The following JAKMIP2 variants were observed in gnomAD, a reference collection of about 807,000 sequenced individuals.
JAKMIP2 encodes the protein janus kinase and microtubule-interacting protein 2.
In JAKMIP2, 25 loss-of-function variants were observed where a neutral mutation model predicts 115.0. That is an observed-to-expected ratio of 0.22 (90% confidence interval 0.16 to 0.30). The LOEUF is 0.30. Among genes scored for constraint, JAKMIP2 ranks in the 10% least tolerant of loss-of-function variants. The pLI is 1.00. For missense variants in JAKMIP2, 642 were observed against 957.6 expected (o/e 0.67, Z 4.35); for synonymous variants, 334 against 343.6 (o/e 0.97, Z 0.31).
At chr5:147,637,970 T>A (rs1046691778) in intron 10 of JAKMIP2, among the ~76,000 whole-genome samples, 3 of 152,204 alleles carry the variant, frequency 2.0e-5, no homozygotes, top group Non-Finnish European at 4.4e-5. Context: ...AAAACAGCGA[T>A]GAAAGATATC....
At chr5:147,618,523 G>C (rs1191233488) in intron 18 of JAKMIP2, among the ~76,000 whole-genome samples, 1 of 152,094 alleles carries the variant, frequency 6.6e-6, no homozygotes, top group African/African-American at 2.4e-5. Flanking sequence ...GATCATCTGA[G>C]GTCAGGAGTT....
At chr5:147,739,950 A>G (rs1485892204) in intron 1 of JAKMIP2, among the ~76,000 whole-genome samples, 1 of 152,178 alleles carries the variant, frequency 6.6e-6, no homozygotes, top group African/African-American at 2.4e-5. Context: ...TGCACATTTT[A>G]AAGACAGCAA....
intron 1 of JAKMIP2, among the ~76,000 whole-genome samples, chr5:147,750,429 A>T (rs1754505921): frequency 6.6e-6 from 1 of 152,100 alleles, no homozygotes; most frequent in Non-Finnish European, 1.5e-5. Flanking sequence ...ATACTCACTT[A>T]TTTAGAGACT....
chr5:147,641,879 CTTTGTTT>C, intron 7 of JAKMIP2, 115 bp from the exon 8 acceptor site: 1 of 843,302 alleles, frequency 1.2e-6, no homozygotes. Context: ...TAGAATAAGA[CTTTGTTT>C]TTTAAATTTT....
At chr5:147,667,481 T>C (rs1204081235) in intron 2 of JAKMIP2, among the ~76,000 whole-genome samples, 1 of 152,184 alleles carries the variant, frequency 6.6e-6, no homozygotes, top group African/African-American at 2.4e-5. Flanking sequence ...GATTAAAAAT[T>C]GGACAGCTCA....
At position 147,605,175 on chromosome 5, in the gene JAKMIP2, A is replaced by G. The variant is rs1212468551; in HGVS notation, c.2413-3364T>C. On this transcript the variant is annotated intron_variant, in intron 20 of 21. Coordinates refer to ENST00000616793, the MANE Select transcript of JAKMIP2 (RefSeq NM_001270941.2). ...CAAACTCATCGTTTTTTATGGTTGC[A>G]TAGTATTCCATGGTGTATATGTGCC... 2.0e-5 allele frequency among the ~76,000 whole-genome samples: 3 copies of G among 148,884 alleles called. No homozygotes were observed. In the East Asian group the frequency reaches 5.9e-4, roughly 29 times the overall value.
chr5:147,712,408 T>C (rs943646411), intron 1 of JAKMIP2, among the ~76,000 whole-genome samples: 3 of 152,218 alleles, frequency 2.0e-5, no homozygotes, highest in Non-Finnish European at 4.4e-5. Flanking sequence ...TTAAAATCCA[T>C]TGTTTTATAA....
intron 1 of JAKMIP2, among the ~76,000 whole-genome samples, chr5:147,702,625 AAAGAAAG>A (rs1206262573): frequency 7.8e-6 from 1 of 128,944 alleles, no homozygotes; most frequent in Non-Finnish European, 1.6e-5. Context: ...AGAAAGAAAG[AAAGAAAG>A]AAAGAAAGAA....
chr5:147,712,274 G>T (rs1252409013), intron 1 of JAKMIP2, among the ~76,000 whole-genome samples: 1 of 152,164 alleles, frequency 6.6e-6, no homozygotes, highest in Non-Finnish European at 1.5e-5. Flanking sequence ...AGGTTCACAT[G>T]GGAGTTCGTC....
At chr5:147,718,632 C>T (rs1287045132) in intron 1 of JAKMIP2, among the ~76,000 whole-genome samples, 3 of 151,940 alleles carry the variant, frequency 2.0e-5, no homozygotes, top group Admixed American at 6.6e-5. Flanking sequence ...AGTTTATTTG[C>T]ATAGAGGTGT....
At chr5:147,674,105 A>ATGTC (rs1759789720) in intron 1 of JAKMIP2, among the ~76,000 whole-genome samples, 2 of 152,170 alleles carry the variant, frequency 1.3e-5, no homozygotes. Flanking sequence ...ACTAATGCAG[A>ATGTC]TGTCTTTGTT....
intron 1 of JAKMIP2, among the ~76,000 whole-genome samples, chr5:147,774,348 T>G (rs1211054794): frequency 6.6e-6 from 1 of 152,122 alleles, no homozygotes. Flanking sequence ...CTTCAAAACA[T>G]CTAAGTCCTT....
At chr5:147,756,912 G>A (rs1167049143) in intron 1 of JAKMIP2, among the ~76,000 whole-genome samples, 2 of 152,130 alleles carry the variant, frequency 1.3e-5, no homozygotes, top group South Asian at 4.1e-4. Context: ...TGTAAACTGT[G>A]CTAGATGCTG....
chr5:147,741,353 CTCTT>C (rs1290532441), intron 1 of JAKMIP2, among the ~76,000 whole-genome samples: 2 of 151,972 alleles, frequency 1.3e-5, no homozygotes, highest in African/African-American at 2.4e-5. Context: ...TATCAAAATG[CTCTT>C]TCTTTGAGAG....
rs139730580 is a variant in JAKMIP2, at chr5:147,700,686, C to A, written c.-148-28732G>T. ...ATCAGAACCAAGTCTAGATTCTCAG[C>A]CCCTAGCCATAGCCAGGAATTAGCA... On this transcript the variant is annotated intron_variant, in intron 1 of 21. Coordinates refer to ENST00000616793, the MANE Select transcript of JAKMIP2 (RefSeq NM_001270941.2). Among the ~76,000 whole-genome samples, 764 of 152,300 alleles carry A rather than the reference C, an allele frequency of 5.0e-3. 18 individuals carry two copies. The highest frequency in any genetic ancestry group is 0.016 in the African/African-American group (680 of 41,574).
rs1758007107 is a variant in JAKMIP2 at position 147,644,055 on chromosome 5, T to G, written c.1224+3A>C. 1 of 1,562,570 alleles carries G rather than the reference T, an allele frequency of 6.4e-7. No individual in the cohort carries two copies. The highest frequency in any genetic ancestry group is 1.3e-5 in the African/African-American group (1 of 74,182). On this transcript the variant is annotated splice_donor_region_variant and intron_variant, in intron 7 of 21. Transcript: ENST00000616793. ...TAGGGTTTACAGATTGATTGACACG[T>G]ACCCTTGTGAGCTCATCAATAATGT...
At chr5:147,760,030 GGAAA>G (rs1483357686) in intron 1 of JAKMIP2, among the ~76,000 whole-genome samples, 3 of 151,930 alleles carry the variant, frequency 2.0e-5, no homozygotes, top group Non-Finnish European at 2.9e-5. Flanking sequence ...GAGTTATAAA[GGAAA>G]GAAAGAAATC....
At chr5:147,733,175 A>C (rs984915129) in intron 1 of JAKMIP2, among the ~76,000 whole-genome samples, 6 of 152,326 alleles carry the variant, frequency 3.9e-5, no homozygotes, top group African/African-American at 1.4e-4. Context: ...TATTGAGTAA[A>C]TGTGGACAAA....
chr5:147,671,286 T>C (rs1759571522), intron 2 of JAKMIP2, among the ~76,000 whole-genome samples: 3 of 152,294 alleles, frequency 2.0e-5, no homozygotes, highest in Admixed American at 1.3e-4. Flanking sequence ...AGTAACGTGA[T>C]GTGCTACATT....
Sources: gnomAD v4.1 joint callset for allele counts (sites outside exome capture counted in the v4.1 genomes callset) on GRCh38, gnomAD v4.1.1 for gene constraint, MANE v1.5 for transcripts, NCBI Gene and HGNC (gene_info 2026-07-23, HGNC 2026-07-21) for gene names.